KDM4A: variants seen among roughly 807,000 people sequenced by gnomAD.
KDM4A encodes lysine demethylase 4A.
In KDM4A, 23 loss-of-function variants were observed where a neutral mutation model predicts 127.1. The observed-to-expected ratio is 0.18, with a 90% confidence interval of 0.13 to 0.26. KDM4A has a LOEUF of 0.26. KDM4A is among the 10% of genes least tolerant of loss of function. The probability of loss-of-function intolerance (pLI) is 1.00; values close to 1 mark genes in which losing one functional copy is unlikely to be tolerated. For missense variants in KDM4A, 890 were observed against 1,329.1 expected (o/e 0.67, Z 5.14); for synonymous variants, 443 against 466.5 (o/e 0.95, Z 0.65).
intron 2 of KDM4A, among the ~76,000 whole-genome samples, chr1:43,654,908 A>G (rs563707254): frequency 2.0e-5 from 3 of 151,718 alleles, no homozygotes; most frequent in South Asian, 4.2e-4. Flanking sequence ...CTGGAGTGCA[A>G]TGGCGCAATC....
chr1:43,686,158 T>G (rs951081016), intron 12 of KDM4A, among the ~76,000 whole-genome samples: 3 of 142,628 alleles, frequency 2.1e-5, no homozygotes, highest in Non-Finnish European at 3.1e-5. Context: ...CTTGTTTTTT[T>G]TTTTTTTTTT....
At position 43,669,326 on chromosome 1, in the gene KDM4A, C is replaced by T. The variant is rs369397358; in HGVS notation, c.1363+27C>T. Reference sequence around the variant, plus strand: ...TTAGTTGACTATGGTGTATTTTCCACAACCCTAACTCATATATGTGTCCCG... The same window carrying T: ...TTAGTTGACTATGGTGTATTTTCCATAACCCTAACTCATATATGTGTCCCG... On this transcript the variant is annotated intron_variant, in intron 10 of 21. Coordinates refer to ENST00000372396, the MANE Select transcript of KDM4A (RefSeq NM_014663.3). The T allele has an allele frequency of 1.5e-5, 24 of 1,604,876 alleles. No homozygotes were observed. The African/African-American group carries it at 3.1e-4, about 21-fold the overall frequency.
rs1418318253 is a variant in KDM4A at position 43,688,805 on chromosome 1, C to G, written c.1856-109C>G. On this transcript the variant is annotated intron_variant, in intron 12 of 21. Coordinates refer to ENST00000372396, the MANE Select transcript of KDM4A (RefSeq NM_014663.3). This position sits in a 1 kb window ranked among gnomAD's most constrained non-coding sequence, Gnocchi z 4.4. Reference sequence around the variant, plus strand: ...CATCCTTAGGAATTCAGGAGTCACCCTTGGTCCAAACCTAGGATCAGGAGT... The same window carrying G: ...CATCCTTAGGAATTCAGGAGTCACCGTTGGTCCAAACCTAGGATCAGGAGT... 1.0e-6 allele frequency: 1 copy of G among 973,976 alleles called. No individual in the cohort carries two copies. Among genetic ancestry groups the G allele is most frequent in the Non-Finnish European group, 1.5e-6 (1 of 653,156 alleles). 60.3% of individuals were successfully genotyped at this position (973,976 alleles called of 1,614,324 possible).
Position 43,689,034 on chromosome 1 carries a change from A to C in KDM4A, c.1976A>C (p.Glu659Ala). 1 of 1,614,266 alleles carries C rather than the reference A, an allele frequency of 6.2e-7. No individual in the cohort carries two copies. The highest frequency in any genetic ancestry group is 8.5e-7 in the Non-Finnish European group (1 of 1,180,046). ...TTTGAGGCTGAGAAGGAATTCAATG[A>C]GACCATGGCCCAACAGGCCCCTCAC... ...PNFEAEKEFN[E>A]TMAQQAPHCA... is the part of the protein sequence containing the mutation. Residue 659 changes from glutamate to alanine, a missense_variant, in exon 13 of 22, where the codon GAG (glutamate) becomes GCG (alanine). Physicochemically the swap from Glu to Ala is moderately radical, Grantham distance 107. Coordinates refer to ENST00000372396, the MANE Select transcript of KDM4A (RefSeq NM_014663.3).
At chr1:43,678,584 T>G (rs1008367894) in intron 11 of KDM4A, among the ~76,000 whole-genome samples, 1 of 141,684 alleles carries the variant, frequency 7.1e-6, no homozygotes, top group Non-Finnish European at 1.6e-5. Context: ...TGGCTGCAGA[T>G]AGGTTTTTTT....
rs1179928625 is a variant in KDM4A at position 43,705,371 on chromosome 1, G to C, written c.*1001G>C. The C allele has an allele frequency of 2.0e-5, 3 of 152,572 alleles. No homozygotes were observed. The highest frequency in any genetic ancestry group is 7.2e-5 in the African/African-American group (3 of 41,418). The allele number at this position is 152,572 out of a possible 1,614,324, so 9.5% of individuals were successfully genotyped here. ...AATTTGTTTGCCTGGGCCCAGGATT[G>C]GAGGGCTTCACACCAATACCCTGTG... On this transcript the variant is annotated 3_prime_UTR_variant, in exon 22 of 22. Transcript: ENST00000372396.
chr1:43,669,710 G>A (rs1328092548), intron 10 of KDM4A, among the ~76,000 whole-genome samples: 4 of 151,318 alleles, frequency 2.6e-5, no homozygotes, highest in East Asian at 3.9e-4. Flanking sequence ...GTGCAGGGGC[G>A]CAATCTTGGC....
chr1:43,680,171 C>A (rs1259024209), intron 11 of KDM4A, among the ~76,000 whole-genome samples: 1 of 152,180 alleles, frequency 6.6e-6, no homozygotes, highest in African/African-American at 2.4e-5. Flanking sequence ...ATATTCAAAT[C>A]TTTGAATGGA....
rs1660417914 is a variant in KDM4A, at chr1:43,662,921, C to T, written c.457C>T (p.Leu153=). The stretch of plus-strand genomic sequence containing the variant: ...TGTTGATGAGTGGAATATTGGCCGG[C>T]TGAGAACAATCCTGGACTTGGTGGA... ...KHVDEWNIGR[L]RTILDLVEKE... is the part of the protein sequence containing the mutation. Residue 153 remains leucine, a synonymous_variant, in exon 5 of 22, where the codon CTG becomes TTG. Coordinates refer to ENST00000372396, the MANE Select transcript of KDM4A (RefSeq NM_014663.3). 6.2e-7 allele frequency: 1 copy of T among 1,613,226 alleles called. No homozygotes were observed. Among genetic ancestry groups the T allele is most frequent in the African/African-American group, 1.3e-5 (1 of 74,882 alleles).
At position 43,666,566 on chromosome 1, in the gene KDM4A, G is replaced by A. The variant is rs1660505593; in HGVS notation, c.777+11G>A. ...ATTCCCTTTGACAAGGTGAGCTGATGTTACATGCCAAAGTTCTCAGGCACC... is the reference window on the plus strand; with the variant it reads ...ATTCCCTTTGACAAGGTGAGCTGATATTACATGCCAAAGTTCTCAGGCACC... On this transcript the variant is annotated intron_variant, in intron 7 of 21. Coordinates refer to ENST00000372396, the MANE Select transcript of KDM4A (RefSeq NM_014663.3). 1 of 1,606,294 alleles carries A rather than the reference G, an allele frequency of 6.2e-7. No individual in the cohort carries two copies. The highest frequency in any genetic ancestry group is 1.3e-5 in the African/African-American group (1 of 74,814).
chr1:43,662,835 T>A, intron 4 of KDM4A, 59 bp from the exon 5 acceptor site: 1 of 1,467,184 alleles, frequency 6.8e-7, no homozygotes, highest in Non-Finnish European at 9.3e-7. Flanking sequence ...GATTTGTAGG[T>A]TCAGAGCCTC....
At chr1:43,671,013 T>G (rs1413754832) in intron 10 of KDM4A, among the ~76,000 whole-genome samples, 1 of 152,186 alleles carries the variant, frequency 6.6e-6, no homozygotes, top group African/African-American at 2.4e-5. Context: ...TCCAACATGA[T>G]TTGTGAAGTA....
At chr1:43,698,190 C>G (rs1661291033) in intron 19 of KDM4A, among the ~76,000 whole-genome samples, 177 bp downstream of exon 19, 1 of 152,190 alleles carries the variant, frequency 6.6e-6, no homozygotes, top group Non-Finnish European at 1.5e-5. Flanking sequence ...AAACTGCGTG[C>G]TGCTAGGGTA....
chr1:43,684,245 C>T (rs1326804736), intron 12 of KDM4A, among the ~76,000 whole-genome samples: 1 of 152,172 alleles, frequency 6.6e-6, no homozygotes, highest in Non-Finnish European at 1.5e-5. Flanking sequence ...TGGCTCATGC[C>T]TGTAATCCCA....
intron 8 of KDM4A, 147 bp from the exon 9 acceptor site, chr1:43,667,625 T>C: frequency 1.0e-6 from 1 of 998,784 alleles, no homozygotes. Flanking sequence ...CCTGCAAGGA[T>C]AACATGCCCT....
intron 19 of KDM4A, chr1:43,702,801 C>CAGGCAGATCACCTGAGGT (rs1661434228): frequency 6.6e-6 from 1 of 152,154 alleles, no homozygotes; most frequent in African/African-American, 2.4e-5. Context: ...CAAGCCGAGG[C>CAGGCAGATCACCTGAGGT]AGGCAGATCA....
intron 11 of KDM4A, among the ~76,000 whole-genome samples, chr1:43,673,417 T>C (rs572368884): frequency 6.6e-6 from 1 of 152,298 alleles, no homozygotes; most frequent in East Asian, 1.9e-4. Flanking sequence ...TTTGGCACAT[T>C]TGCTTTCTGT....
At chr1:43,661,639 A>G (rs1459871071) in intron 4 of KDM4A, among the ~76,000 whole-genome samples, 13 of 151,276 alleles carry the variant, frequency 8.6e-5, no homozygotes, top group African/African-American at 2.4e-4. Context: ...AAAAAAAAAA[A>G]AGAATTCCAG....
intron 19 of KDM4A, chr1:43,702,466 A>G (rs531704807): frequency 6.6e-6 from 1 of 152,312 alleles, no homozygotes; most frequent in Non-Finnish European, 1.5e-5. Context: ...TGATTGTAAG[A>G]GCAGATGTGA....
Sources: gnomAD v4.1 joint callset for allele counts (sites outside exome capture counted in the v4.1 genomes callset) on GRCh38, gnomAD v4.1.1 for gene constraint, Gnocchi (gnomAD v3.1) non-coding constraint, MANE v1.5 for transcripts, NCBI Gene and HGNC (gene_info 2026-07-23, HGNC 2026-07-21) for gene names.